TMPRSS15: variants seen among roughly 807,000 people sequenced by gnomAD.
TMPRSS15 encodes the protein transmembrane serine protease 15.
TMPRSS15 carries 128 observed loss-of-function variants against 125.3 expected under a neutral mutation model. The observed-to-expected ratio is 1.02, with a 90% CI of 0.89 to 1.18. The LOEUF is 1.18. Ranked by LOEUF, TMPRSS15 falls within the 50% of genes most tolerant of loss-of-function variation. TMPRSS15 has a pLI of 0.00. For synonymous variants in TMPRSS15, 446 were observed against 423.2 expected, an observed-to-expected ratio of 1.05 and a Z score of -0.66; for missense variants, 1,283 against 1,212.7, an observed-to-expected ratio of 1.06 and a Z score of -0.86.
At chr21:18,335,637 T>A (rs947687152) in intron 13 of TMPRSS15, among the ~76,000 whole-genome samples, 2 of 152,214 alleles carry the variant, frequency 1.3e-5, no homozygotes, top group Non-Finnish European at 2.9e-5. Context: ...AACTGACCAA[T>A]AAGACATCTC....
chr21:18,427,467 T>A (rs2076205353), intron 1 of TMPRSS15, among the ~76,000 whole-genome samples: 1 of 152,236 alleles, frequency 6.6e-6, no homozygotes, highest in Non-Finnish European at 1.5e-5. Flanking sequence ...TTCTGATGCA[T>A]GTAAACTCTC....
chr21:18,295,498 A>G lies in TMPRSS15; in HGVS notation c.2262-846T>C, dbSNP rs73322028. Among the ~76,000 whole-genome samples, 733 of 152,356 alleles carry G rather than the reference A, an allele frequency of 4.8e-3. 7 individuals carry two copies. The highest frequency in any genetic ancestry group is 0.016 in the African/African-American group (679 of 41,584). On this transcript the variant is annotated intron_variant, in intron 19 of 24. Transcript: ENST00000284885. Reference sequence around the variant, plus strand: ...TGTAATGACTTACTTACATTTATATACTTAGCTACAGCTAATTGTGCATGC... The same window carrying G: ...TGTAATGACTTACTTACATTTATATGCTTAGCTACAGCTAATTGTGCATGC...
At chr21:18,437,361 C>T (rs1485043200) in intron 1 of TMPRSS15, among the ~76,000 whole-genome samples, 1 of 152,044 alleles carries the variant, frequency 6.6e-6, no homozygotes, top group African/African-American at 2.4e-5. Context: ...AGACCTAAAA[C>T]CATAAAAGCC....
At chr21:18,436,385 A>T in intron 1 of TMPRSS15, among the ~76,000 whole-genome samples, 1 of 151,910 alleles carries the variant, frequency 6.6e-6, no homozygotes, top group African/African-American at 2.4e-5. Context: ...TCATTTCGTT[A>T]TGTACCCAGT....
intron 1 of TMPRSS15, among the ~76,000 whole-genome samples, chr21:18,465,526 T>G (rs2122955574): frequency 6.6e-6 from 1 of 152,062 alleles, no homozygotes; most frequent in Non-Finnish European, 1.5e-5. Context: ...TGTCTCGGCC[T>G]AAAATCTCCT....
chr21:18,399,394 T>C (rs1282873542), intron 1 of TMPRSS15, among the ~76,000 whole-genome samples: 1 of 152,158 alleles, frequency 6.6e-6, no homozygotes, highest in Non-Finnish European at 1.5e-5. Flanking sequence ...ATAGTCTAAA[T>C]AGCTTTAATT....
intron 6 of TMPRSS15, among the ~76,000 whole-genome samples, chr21:18,365,643 T>TTTCCTTCCTTCC (rs1555904769): frequency 3.7e-5 from 1 of 26,776 alleles, no homozygotes; most frequent in African/African-American, 1.1e-4. Context: ...TCTCTCTCTT[T>TTTCCTTCCTTCC]TTCCTCCCTT....
Position 18,432,718 on chromosome 21 carries a change from T to G in TMPRSS15, c.11-34389A>C, listed in dbSNP as rs528059037. ...CAGAGAGACCACAGCCCGGCCCACG[T>G]AGATTTTGGATTTCCAGCCTCAAGG... On this transcript the variant is annotated intron_variant, in intron 1 of 7. Coordinates refer to the TMPRSS15 transcript ENST00000422787. 2.0e-5 allele frequency among the ~76,000 whole-genome samples: 3 copies of G among 152,240 alleles called. No homozygotes were observed. In the South Asian group the frequency reaches 6.2e-4, roughly 32 times the overall value.
intron 5 of TMPRSS15, among the ~76,000 whole-genome samples, chr21:18,377,780 T>C (rs2075858059): frequency 6.6e-6 from 1 of 152,154 alleles, no homozygotes; most frequent in Non-Finnish European, 1.5e-5. Flanking sequence ...AGAAGATTTC[T>C]GCTCCACTCA....
intron 15 of TMPRSS15, 61 bp downstream of exon 15, chr21:18,329,108 T>C: frequency 1.3e-6 from 2 of 1,595,358 alleles, no homozygotes; most frequent in East Asian, 2.3e-5. Context: ...AGAAACGCTC[T>C]TTCCATCAGC....
At chr21:18,450,464 C>G (rs764122926) in intron 1 of TMPRSS15, among the ~76,000 whole-genome samples, 1 of 152,162 alleles carries the variant, frequency 6.6e-6, no homozygotes, top group Non-Finnish European at 1.5e-5. Context: ...TCTTCTTACT[C>G]TATTCTGTGA....
chr21:18,461,566 G>A (rs1461055644), intron 1 of TMPRSS15, among the ~76,000 whole-genome samples: 1 of 152,128 alleles, frequency 6.6e-6, no homozygotes, highest in African/African-American at 2.4e-5. Context: ...TTTTCAGGAA[G>A]GGAAAATCAA....
chr21:18,417,756 G>A (rs1022080791), intron 1 of TMPRSS15, among the ~76,000 whole-genome samples: 6 of 152,096 alleles, frequency 3.9e-5, no homozygotes, highest in African/African-American at 1.4e-4. Context: ...AATGTGAATC[G>A]ATCCATATTA....
chr21:18,403,779 CTT>C lies in TMPRSS15; in HGVS notation c.-159_-158del. 1.2e-6 allele frequency: 1 copy of C among 820,710 alleles called. No individual in the cohort carries two copies. Among genetic ancestry groups the C allele is most frequent in the East Asian group, 2.7e-5 (1 of 37,182 alleles). 50.8% of individuals were successfully genotyped at this position (820,710 alleles called of 1,614,324 possible). ...CAGTGTAAGTGAGTTGTGTATGTCT[CTT>C]TGGCAAAATTATGTCTCTATACATT... On this transcript the variant is annotated 5_prime_UTR_variant, in exon 1 of 25. Transcript: ENST00000284885.
intron 6 of TMPRSS15, among the ~76,000 whole-genome samples, chr21:18,365,924 G>A (rs1039771840): frequency 1.3e-5 from 2 of 151,300 alleles, no homozygotes; most frequent in Non-Finnish European, 3.0e-5. Context: ...TAGTAGAGAC[G>A]GGGTTTCACC....
chr21:18,472,698 G>A (rs1253893890), intron 1 of TMPRSS15, among the ~76,000 whole-genome samples: 2 of 151,878 alleles, frequency 1.3e-5, no homozygotes, highest in East Asian at 3.9e-4. Context: ...GCCCGGTGAT[G>A]CAATTAAAAT....
chr21:18,344,147 A>T, intron 10 of TMPRSS15, 87 bp from the exon 11 acceptor site: 3 of 1,119,012 alleles, frequency 2.7e-6, no homozygotes, highest in Non-Finnish European at 4.0e-6. Flanking sequence ...GGAAAGAAAA[A>T]CTTTAAGAAG....
chr21:18,405,917 CT>C (rs1237465479), upstream of TMPRSS15, among the ~76,000 whole-genome samples: 1 of 152,032 alleles, frequency 6.6e-6, no homozygotes, highest in African/African-American at 2.4e-5. Flanking sequence ...ACTGACTTTT[CT>C]TTTTTTAAAA....
intron 21 of TMPRSS15, among the ~76,000 whole-genome samples, chr21:18,288,811 C>T (rs1022771682): frequency 7.3e-5 from 11 of 151,570 alleles, no homozygotes; most frequent in African/African-American, 2.4e-4. Flanking sequence ...GCTAGGATTA[C>T]AGGCATGAGC....
Sources: gnomAD v4.1 joint callset for allele counts (sites outside exome capture counted in the v4.1 genomes callset) on GRCh38, gnomAD v4.1.1 for gene constraint, MANE v1.5 for transcripts, NCBI Gene and HGNC (gene_info 2026-07-23, HGNC 2026-07-21) for gene names.